The following PCDHGA9 variants were observed in gnomAD, a reference collection of about 807,000 sequenced individuals.
The protein encoded by PCDHGA9 is protocadherin gamma-A9.
A neutral mutation model predicts 62.5 loss-of-function variants in PCDHGA9; 37 were observed. That is an observed-to-expected ratio of 0.59 (90% CI 0.46 to 0.78). The LOEUF is 0.78. Ranked by LOEUF, PCDHGA9 falls within the 30% of genes least tolerant of loss-of-function variation. PCDHGA9 has a pLI of 0.00. For synonymous variants in PCDHGA9, 459 were observed against 484.6 expected (o/e 0.95, Z 0.69); for missense variants, 1,138 against 1,166.2 (o/e 0.98, Z 0.35).
At chr5:141,470,078 G>C (rs542998375) in intron 1 of PCDHGA9, among the ~76,000 whole-genome samples, 21 of 152,182 alleles carry the variant, frequency 1.4e-4, no homozygotes, top group Non-Finnish European at 2.9e-4. Context: ...GTAGTGATCT[G>C]AGATCATGCC....
At position 141,403,546 on chromosome 5, in the gene PCDHGA9, C is replaced by A. The variant is rs62378450; in HGVS notation, c.594C>A (p.Arg198=). 1 of 1,613,984 alleles carries A rather than the reference C, an allele frequency of 6.2e-7. No individual in the cohort carries two copies. Among genetic ancestry groups the A allele is most frequent in the South Asian group, 1.1e-5 (1 of 91,088 alleles). Residue 198 remains arginine, a synonymous_variant, in exon 1 of 4, where the codon CGC becomes CGA. Transcript: ENST00000573521. ...GAINPELVLE[R]ALDREEATAH... ...TAAACCCAGAGCTGGTGCTGGAGCG[C>A]GCCCTGGACAGGGAGGAGGCAACTG...
chr5:141,448,756 C>T (rs938202200), intron 1 of PCDHGA9, among the ~76,000 whole-genome samples: 1 of 151,742 alleles, frequency 6.6e-6, no homozygotes, highest in African/African-American at 2.4e-5. Context: ...CTGGCTAACA[C>T]GGTGAAACCC....
chr5:141,455,690 C>A (rs1209152869), intron 1 of PCDHGA9, among the ~76,000 whole-genome samples: 1 of 152,064 alleles, frequency 6.6e-6, no homozygotes, highest in East Asian at 1.9e-4. Context: ...CTGTGGGAAT[C>A]GCCAAGTTGA....
At chr5:141,450,551 G>T (rs2098684306) in intron 1 of PCDHGA9, among the ~76,000 whole-genome samples, 1 of 150,822 alleles carries the variant, frequency 6.6e-6, no homozygotes, top group Admixed American at 6.6e-5. Flanking sequence ...CAGTGGCGCA[G>T]TCTCGGCTCA....
rs1177814811 is a variant in PCDHGA9 at position 141,511,841 on chromosome 5, CTGTTT to C, written c.*675_*679del. The C allele has an allele frequency of 3.2e-5, 5 of 156,826 alleles. No homozygotes were observed. Among genetic ancestry groups the C allele is most frequent in the African/African-American group, 4.8e-5 (2 of 41,458 alleles). The allele number at this position is 156,826 out of a possible 1,614,324, so 9.7% of individuals were successfully genotyped here. ...TCCCAACGCCCTGGGGACCAGTCTT[CTGTTT>C]TGTTTTTCATTGTTTGACGTTTCCA... On this transcript the variant is annotated 3_prime_UTR_variant, in exon 4 of 4. Coordinates refer to ENST00000573521, the MANE Select transcript of PCDHGA9 (RefSeq NM_018921.3).
rs2099615817 is a variant in PCDHGA9 at position 141,485,564 on chromosome 5, C to G, written c.2425-9243C>G. On this transcript the variant is annotated intron_variant, in intron 1 of 3. Coordinates refer to ENST00000573521, the MANE Select transcript of PCDHGA9 (RefSeq NM_018921.3). This position sits in a 1 kb window ranked among gnomAD's most constrained non-coding sequence, Gnocchi z 5.7. ...GATCGTAGATGTGAATGATCACGCCCCCCGTTTTCCGCGGCAGCAGCTGGA... is the reference window on the plus strand; with the variant it reads ...GATCGTAGATGTGAATGATCACGCCGCCCGTTTTCCGCGGCAGCAGCTGGA... 6.2e-7 allele frequency: 1 copy of G among 1,612,958 alleles called. No individual in the cohort carries two copies. The highest frequency in any genetic ancestry group is 8.5e-7 in the Non-Finnish European group (1 of 1,179,052).
rs754367041 is a variant in PCDHGA9 at position 141,403,095 on chromosome 5, T to A, written c.143T>A (p.Ile48Asn). Residue 48 changes from isoleucine to asparagine, a missense_variant, in exon 1 of 4, where the codon ATC becomes AAC. Ile to Asn is a moderately radical substitution (Grantham distance 149). Coordinates refer to ENST00000573521, the MANE Select transcript of PCDHGA9 (RefSeq NM_018921.3). Reference sequence around the variant, plus strand: ...GAAAAGGGCTATATTGTGGGCAACATCTCCAAGGACCTGGCTCTGGAGCCC... The same window carrying A: ...GAAAAGGGCTATATTGTGGGCAACAACTCCAAGGACCTGGCTCTGGAGCCC... The part of the protein sequence containing the change: ...ETEKGYIVGN[I>N]SKDLALEPRE... 6.2e-7 allele frequency: 1 copy of A among 1,614,026 alleles called. No individual in the cohort carries two copies. The highest frequency in any genetic ancestry group is 2.2e-5 in the East Asian group (1 of 44,878).
At position 141,486,481 on chromosome 5, in the gene PCDHGA9, T is replaced by C. The variant is rs1562112794; in HGVS notation, c.2425-8326T>C. 1 of 1,614,036 alleles carries C rather than the reference T, an allele frequency of 6.2e-7. No individual in the cohort carries two copies. The highest frequency in any genetic ancestry group is 8.5e-7 in the Non-Finnish European group (1 of 1,179,976). Reference sequence around the variant, plus strand: ...CTGATGCTGGGAACCCTCCTCTCAGTACCCACAGAACTATTTTCCTCAATA... The same window carrying C: ...CTGATGCTGGGAACCCTCCTCTCAGCACCCACAGAACTATTTTCCTCAATA... On this transcript the variant is annotated intron_variant, in intron 1 of 3. Coordinates refer to ENST00000573521, the MANE Select transcript of PCDHGA9 (RefSeq NM_018921.3). This position sits in a 1 kb window ranked among gnomAD's most constrained non-coding sequence, Gnocchi z 5.0.
intron 1 of PCDHGA9, chr5:141,408,546 A>G (rs777449394): frequency 6.2e-7 from 1 of 1,613,898 alleles, no homozygotes; most frequent in Non-Finnish European, 8.5e-7. Context: ...AATCCTTTAA[A>G]TATTTTTCAT....
chr5:141,510,813 C>T, intron 3 of PCDHGA9, 134 bp from the exon 4 acceptor site: 1 of 1,537,024 alleles, frequency 6.5e-7, no homozygotes, highest in South Asian at 1.2e-5. Flanking sequence ...CTTGGTGACC[C>T]CTATATTCCC....
chr5:141,442,797 G>A (rs140116155), intron 1 of PCDHGA9, among the ~76,000 whole-genome samples: 1,916 of 152,222 alleles, frequency 0.013, 22 homozygotes, highest in Non-Finnish European at 0.02. Context: ...ATTTTACTTT[G>A]ATATTCAAAT....
At chr5:141,406,531 C>T (rs1303471087) in intron 1 of PCDHGA9, among the ~76,000 whole-genome samples, 1 of 152,102 alleles carries the variant, frequency 6.6e-6, no homozygotes, top group African/African-American at 2.4e-5. Flanking sequence ...TATTTTCTGA[C>T]GAAGATTCAA....
rs532675537 is a variant in PCDHGA9, at chr5:141,508,584, T to C, written c.2573-2363T>C. Among the ~76,000 whole-genome samples, 87 of 152,266 alleles carry C rather than the reference T, an allele frequency of 5.7e-4. 1 individual carries two copies. Among genetic ancestry groups the C allele is most frequent in the African/African-American group, 1.6e-3 (66 of 41,552 alleles). On this transcript the variant is annotated intron_variant, in intron 3 of 3. Coordinates refer to ENST00000573521, the MANE Select transcript of PCDHGA9 (RefSeq NM_018921.3). The stretch of plus-strand genomic sequence containing the variant: ...TGTCACTTGCACCCACTCGGGGTGC[T>C]ACTCAGAGATCTTGGGTGCACATAG...
chr5:141,497,812 T>C (rs947015544), intron 2 of PCDHGA9, among the ~76,000 whole-genome samples: 2 of 152,202 alleles, frequency 1.3e-5, no homozygotes, highest in African/African-American at 4.8e-5. Flanking sequence ...AGTGCTAGAA[T>C]TACAGGTGTG....
intron 1 of PCDHGA9, chr5:141,418,426 C>A: frequency 6.2e-7 from 1 of 1,613,948 alleles, no homozygotes; most frequent in South Asian, 1.1e-5. Flanking sequence ...CTGATGGTGG[C>A]AAATATCCAG....
chr5:141,501,530 G>T (rs556760554), intron 2 of PCDHGA9, among the ~76,000 whole-genome samples: 1 of 151,998 alleles, frequency 6.6e-6, no homozygotes, highest in East Asian at 1.9e-4. Flanking sequence ...AGCCCAGTAC[G>T]TTGTTGTGCA....
chr5:141,509,298 C>A (rs974744333), intron 3 of PCDHGA9, among the ~76,000 whole-genome samples: 1 of 152,180 alleles, frequency 6.6e-6, no homozygotes, highest in Non-Finnish European at 1.5e-5. Flanking sequence ...AGGGTGGAGG[C>A]AGAGGGAGGC....
chr5:141,418,151 G>T, intron 1 of PCDHGA9: 1 of 1,614,108 alleles, frequency 6.2e-7, no homozygotes, highest in Non-Finnish European at 8.5e-7. Flanking sequence ...AATATGCAAA[G>T]AGAGAAGAAG....
At chr5:141,408,683 G>C in intron 1 of PCDHGA9, 2 of 1,613,906 alleles carry the variant, frequency 1.2e-6, no homozygotes, top group Non-Finnish European at 1.7e-6. Flanking sequence ...CACGGATCCT[G>C]ATATAAACAT....
Sources: gnomAD v4.1 joint callset for allele counts (sites outside exome capture counted in the v4.1 genomes callset) on GRCh38, gnomAD v4.1.1 for gene constraint, Gnocchi (gnomAD v3.1) non-coding constraint, MANE v1.5 for transcripts, NCBI Gene and HGNC (gene_info 2026-07-23, HGNC 2026-07-21) for gene names.